DDX60L: variants seen among roughly 807,000 people sequenced by gnomAD.
DDX60L encodes the protein probable ATP-dependent RNA helicase DDX60-like.
Under a neutral mutation model 211.6 loss-of-function variants are expected in DDX60L, and 191 were observed. That is an observed-to-expected ratio of 0.90 (90% CI 0.80 to 1.02). DDX60L has a LOEUF of 1.02. DDX60L is among the 50% of genes least tolerant of loss of function. The probability of loss-of-function intolerance (pLI) is 0.00; values close to 1 mark genes in which losing one functional copy is unlikely to be tolerated. For missense variants in DDX60L, 2,007 were observed against 1,984.1 expected, an observed-to-expected ratio of 1.01 and a Z score of -0.22; for synonymous variants, 706 against 694.1, an observed-to-expected ratio of 1.02 and a Z score of -0.27.
intron 36 of DDX60L, among the ~76,000 whole-genome samples, chr4:168,369,163 T>C (rs920343112): frequency 1.3e-5 from 2 of 152,150 alleles, no homozygotes; most frequent in South Asian, 2.1e-4. Context: ...TTATCTTGAA[T>C]TGTAACTCCC....
intron 36 of DDX60L, among the ~76,000 whole-genome samples, chr4:168,366,707 C>T (rs1453032771): frequency 6.6e-6 from 1 of 151,972 alleles, no homozygotes; most frequent in Non-Finnish European, 1.5e-5. Context: ...CAGCTAGAGG[C>T]ATCACACTGA....
intron 27 of DDX60L, 122 bp downstream of exon 27, chr4:168,395,837 C>T: frequency 1.4e-6 from 1 of 705,470 alleles, no homozygotes; most frequent in South Asian, 1.9e-5. Context: ...CAAAATCACA[C>T]ACAGAGATAA....
chr4:168,423,000 T>TGTGTGTGTGTG (rs375472116), intron 15 of DDX60L, among the ~76,000 whole-genome samples: 5 of 108,178 alleles, frequency 4.6e-5, no homozygotes, highest in Admixed American at 2.6e-4. Flanking sequence ...TGTGTGTGTG[T>TGTGTGTGTGTG]TGTAGAGACA....
Position 168,453,207 on chromosome 4 carries a change from G to A in DDX60L, c.913C>T (p.Leu305Phe). 1.9e-6 allele frequency: 3 copies of A among 1,613,416 alleles called. No homozygotes were observed. Among genetic ancestry groups the A allele is most frequent in the Non-Finnish European group, 2.5e-6 (3 of 1,179,566 alleles). The change falls in exon 8 of 38, where the codon CTC (leucine) becomes TTC (phenylalanine). Residue 305 changes from leucine to phenylalanine, a missense_variant. Transcript: ENST00000682922. ...RLRCLCVAFQ[L>F]HLPLSQRACS... ...GCTCTCTGAGAAAGGGGTAAGTGGA[G>A]TTGAAAAGCCACACAGAGGCAACGC...
chr4:168,375,796 T>C (rs1451860057), intron 33 of DDX60L, among the ~76,000 whole-genome samples: 1 of 152,178 alleles, frequency 6.6e-6, no homozygotes, highest in East Asian at 1.9e-4. Flanking sequence ...GATCTTAAAC[T>C]TAGGTATATT....
At chr4:168,450,463 G>A (rs1755654306) in intron 8 of DDX60L, among the ~76,000 whole-genome samples, 1 of 144,254 alleles carries the variant, frequency 6.9e-6, no homozygotes, top group Non-Finnish European at 1.5e-5. Context: ...ATAAAACTCT[G>A]GTCTCCCTCA....
At chr4:168,428,627 C>T (rs1318160022) in intron 13 of DDX60L, among the ~76,000 whole-genome samples, 2 of 152,070 alleles carry the variant, frequency 1.3e-5, no homozygotes, top group African/African-American at 4.8e-5. Context: ...TGCTCTTTCA[C>T]GTATTTAGCA....
intron 1 of DDX60L, among the ~76,000 whole-genome samples, chr4:168,479,021 A>G (rs551616151): frequency 6.6e-6 from 1 of 152,346 alleles, no homozygotes; most frequent in East Asian, 1.9e-4. Context: ...TGAACCAAGA[A>G]AAGCATACCA....
intron 8 of DDX60L, among the ~76,000 whole-genome samples, chr4:168,452,861 GTCAA>G (rs914057073): frequency 4.6e-5 from 7 of 152,036 alleles, no homozygotes; most frequent in African/African-American, 1.4e-4. Flanking sequence ...AGAATACAAT[GTCAA>G]TCAATTTTCT....
rs758008668 is a variant in DDX60L at position 168,462,267 on chromosome 4, C to T, written c.265-227G>A. On this transcript the variant is annotated intron_variant, in intron 4 of 37. Coordinates refer to ENST00000682922, the MANE Select transcript of DDX60L (RefSeq NM_001012967.3). ...TGAGCAGGCATACACTACCACTTCACTTCTAATTCTTTTACTATCTATGTT... is the reference window on the plus strand; with the variant it reads ...TGAGCAGGCATACACTACCACTTCATTTCTAATTCTTTTACTATCTATGTT... 5.9e-5 allele frequency among the ~76,000 whole-genome samples: 9 copies of T among 152,180 alleles called. 1 individual carries two copies. The highest frequency in any genetic ancestry group is 1.0e-4 in the Non-Finnish European group (7 of 68,032).
intron 4 of DDX60L, among the ~76,000 whole-genome samples, chr4:168,464,230 C>T (rs1757677319): frequency 6.6e-6 from 1 of 152,036 alleles, no homozygotes; most frequent in African/African-American, 2.4e-5. Context: ...TTTCCAAGAA[C>T]ACATGGTACA....
At chr4:168,460,994 G>A (rs186773956) in intron 5 of DDX60L, among the ~76,000 whole-genome samples, 3 of 152,284 alleles carry the variant, frequency 2.0e-5, no homozygotes, top group Admixed American at 2.0e-4. Context: ...AGGGGCAGAT[G>A]GCCCCAGTAA....
chr4:168,430,377 G>T, intron 13 of DDX60L, 101 bp downstream of exon 13: 2 of 1,025,982 alleles, frequency 1.9e-6, no homozygotes, highest in South Asian at 2.0e-5. Context: ...TAGCAAACAT[G>T]AGAAAGAAGA....
At chr4:168,408,098 C>G (rs1257807821) in intron 22 of DDX60L, among the ~76,000 whole-genome samples, 1 of 152,146 alleles carries the variant, frequency 6.6e-6, no homozygotes, top group Non-Finnish European at 1.5e-5. Context: ...ACCAAATATT[C>G]TGTCTATAAA....
Position 168,427,310 on chromosome 4 carries a change from G to A in DDX60L, c.1690C>T (p.His564Tyr). 6.2e-7 allele frequency: 1 copy of A among 1,612,812 alleles called. No individual in the cohort carries two copies. The highest frequency in any genetic ancestry group is 1.7e-4 in the Middle Eastern group (1 of 6,058). ...SGEILQNTKPHQITKKSKKKS... is the reference protein window; with the variant it reads ...SGEILQNTKPYQITKKSKKKS... ...TTCTTACTCTTTTTGGTAATTTGGT[G>A]GGGTTTGGTATTCTGCTCAATAATA... Residue 564 changes from histidine to tyrosine, a missense_variant, in exon 14 of 38, where the codon CAC becomes TAC. Coordinates refer to ENST00000682922, the MANE Select transcript of DDX60L (RefSeq NM_001012967.3).
chr4:168,413,391 C>T (rs1028622651), intron 22 of DDX60L, among the ~76,000 whole-genome samples: 21 of 151,900 alleles, frequency 1.4e-4, no homozygotes, highest in African/African-American at 4.8e-5. Flanking sequence ...AAAATGCTAG[C>T]GAACTGAGTT....
intron 5 of DDX60L, among the ~76,000 whole-genome samples, chr4:168,459,798 A>AGGAAGGAAGGAAGGAAGGAAGGAG: frequency 7.6e-6 from 1 of 131,396 alleles, no homozygotes; most frequent in African/African-American, 2.8e-5. Flanking sequence ...GAAGGAAGGA[A>AGGAAGGAAGGAAGGAAGGAAGGAG]GGAAGGAAGG....
chr4:168,374,885 T>G (rs1741668353), intron 34 of DDX60L, among the ~76,000 whole-genome samples: 1 of 152,180 alleles, frequency 6.6e-6, no homozygotes, highest in African/African-American at 2.4e-5. Flanking sequence ...ATTAAAAAAA[T>G]GAGACACAGA....
At chr4:168,404,279 C>T (rs1560999530) in intron 24 of DDX60L, among the ~76,000 whole-genome samples, 173 bp from the exon 25 acceptor site, 1 of 151,620 alleles carries the variant, frequency 6.6e-6, no homozygotes. Flanking sequence ...TCAACAGAGT[C>T]ACAGACATCT....
Sources: gnomAD v4.1 joint callset for allele counts (sites outside exome capture counted in the v4.1 genomes callset) on GRCh38, gnomAD v4.1.1 for gene constraint, MANE v1.5 for transcripts, NCBI Gene and HGNC (gene_info 2026-07-23, HGNC 2026-07-21) for gene names.